ERC2: variants seen among roughly 807,000 people sequenced by gnomAD.
The protein encoded by ERC2 is ELKS/RAB6-interacting/CAST family member 2.
A neutral mutation model predicts 114.8 loss-of-function variants in ERC2; 42 were observed. The observed-to-expected ratio is 0.37, with a 90% CI of 0.29 to 0.47. The LOEUF (loss-of-function observed/expected upper bound fraction) is 0.47. Ranked by LOEUF, ERC2 falls within the 20% of genes least tolerant of loss-of-function variation. ERC2 has a pLI of 0.99. For synonymous variants in ERC2, 454 were observed against 425.5 expected (o/e 1.07, Z -0.82); for missense variants, 939 against 1,150.7 (o/e 0.82, Z 2.66).
intron 14 of ERC2, among the ~76,000 whole-genome samples, chr3:55,774,600 C>T (rs1334942343): frequency 6.6e-6 from 1 of 152,222 alleles, no homozygotes; most frequent in African/African-American, 2.4e-5. Flanking sequence ...CTTTGCAGAG[C>T]CAGGCCTTCA....
intron 14 of ERC2, among the ~76,000 whole-genome samples, chr3:55,799,957 G>A (rs2070905396): frequency 6.6e-6 from 1 of 152,076 alleles, no homozygotes; most frequent in Non-Finnish European, 1.5e-5. Context: ...TTAAACAAAA[G>A]TCCTGGTCAG....
At chr3:56,417,897 A>T (rs867626847) in intron 2 of ERC2, among the ~76,000 whole-genome samples, 2 of 152,346 alleles carry the variant, frequency 1.3e-5, no homozygotes, top group East Asian at 3.9e-4. Context: ...ATGTCCTACA[A>T]TGAGGGTAGG....
At chr3:55,898,435 A>C (rs552087679) in intron 13 of ERC2, among the ~76,000 whole-genome samples, 2 of 152,296 alleles carry the variant, frequency 1.3e-5, no homozygotes, top group South Asian at 2.1e-4. Context: ...TGAAGTCAGA[A>C]AGCCTAGGTC....
At chr3:55,822,864 C>T (rs377016247) in intron 14 of ERC2, among the ~76,000 whole-genome samples, 1 of 152,146 alleles carries the variant, frequency 6.6e-6, no homozygotes, top group Non-Finnish European at 1.5e-5. Context: ...CCACCCGCCT[C>T]GGCCTCCCAA....
At chr3:56,174,558 C>T (rs1575687576) in intron 3 of ERC2, among the ~76,000 whole-genome samples, 2 of 152,176 alleles carry the variant, frequency 1.3e-5, no homozygotes, top group East Asian at 3.8e-4. Flanking sequence ...GGATCACAAA[C>T]ATTTACTTTT....
At chr3:55,572,380 G>A (rs2056761347) in intron 17 of ERC2, among the ~76,000 whole-genome samples, 1 of 152,096 alleles carries the variant, frequency 6.6e-6, no homozygotes, top group Non-Finnish European at 1.5e-5. Context: ...CCTTCCTGGC[G>A]GTGTGCTTTC....
intron 13 of ERC2, among the ~76,000 whole-genome samples, chr3:55,947,040 G>A (rs1305890148): frequency 6.6e-6 from 1 of 152,232 alleles, no homozygotes; most frequent in Non-Finnish European, 1.5e-5. Context: ...GGCAACTCAT[G>A]TGCACATGTG....
At chr3:55,772,307 T>A (rs2068271545) in intron 14 of ERC2, among the ~76,000 whole-genome samples, 1 of 151,528 alleles carries the variant, frequency 6.6e-6, no homozygotes, top group Non-Finnish European at 1.5e-5. Flanking sequence ...CACGCCTGGC[T>A]ACTTTTTGTA....
At chr3:56,039,904 T>A (rs2075028096) in intron 7 of ERC2, among the ~76,000 whole-genome samples, 2 of 152,166 alleles carry the variant, frequency 1.3e-5, no homozygotes, top group South Asian at 4.1e-4. Flanking sequence ...AAAGAGAATA[T>A]CTTTAATAAA....
In ERC2 at chr3:55,509,906, A is replaced by G. The variant is rs1405964292; in HGVS notation, c.*1410T>C. ...TTAAAAATGCAGGTTTTCATCTCCC[A>G]CTTGCATACACGTGGAAGGGTTTCT... On this transcript the variant is annotated 3_prime_UTR_variant, in exon 18 of 18. Transcript: ENST00000288221. 1 of 152,608 alleles carries G rather than the reference A, an allele frequency of 6.6e-6. No individual in the cohort carries two copies. The highest frequency in any genetic ancestry group is 1.5e-5 in the Non-Finnish European group (1 of 68,022). The allele number at this position is 152,608 out of a possible 1,614,324, so 9.5% of individuals were successfully genotyped here.
At chr3:55,624,699 G>A (rs2148607421) in intron 17 of ERC2, among the ~76,000 whole-genome samples, 1 of 152,308 alleles carries the variant, frequency 6.6e-6, no homozygotes, top group African/African-American at 2.4e-5. Context: ...ATGGGAATAA[G>A]TGTGCTGACT....
intron 17 of ERC2, among the ~76,000 whole-genome samples, chr3:55,557,159 T>G (rs745671797): frequency 6.6e-6 from 1 of 152,210 alleles, no homozygotes. Context: ...GGAAAAGGAT[T>G]CATGGAGATG....
intron 11 of ERC2, among the ~76,000 whole-genome samples, chr3:55,991,820 A>G (rs961137078): frequency 1.3e-5 from 2 of 152,218 alleles, no homozygotes; most frequent in Non-Finnish European, 1.5e-5. Flanking sequence ...ATCACTCAAG[A>G]AAGTTGACCA....
At chr3:55,911,171 T>C (rs948875036) in intron 13 of ERC2, among the ~76,000 whole-genome samples, 1 of 152,034 alleles carries the variant, frequency 6.6e-6, no homozygotes, top group East Asian at 1.9e-4. Context: ...ACCTCAAATT[T>C]ACAAATTTAA....
intron 12 of ERC2, among the ~76,000 whole-genome samples, chr3:55,952,182 C>CTA (rs1559923074): frequency 1.4e-5 from 1 of 71,482 alleles, no homozygotes; most frequent in Non-Finnish European, 2.8e-5. Flanking sequence ...CACACACACT[C>CTA]TCTCTCTCTC....
chr3:56,333,604 C>T (rs750775026), intron 2 of ERC2, among the ~76,000 whole-genome samples: 2 of 152,104 alleles, frequency 1.3e-5, no homozygotes, highest in Admixed American at 1.3e-4. Flanking sequence ...AAAGACACTC[C>T]AAAATGCTAA....
At chr3:56,118,213 G>A (rs1490551428) in intron 6 of ERC2, among the ~76,000 whole-genome samples, 1 of 152,180 alleles carries the variant, frequency 6.6e-6, no homozygotes, top group Non-Finnish European at 1.5e-5. Context: ...CTGAGCACAT[G>A]CTAGACATAG....
intron 14 of ERC2, among the ~76,000 whole-genome samples, chr3:55,849,141 G>A (rs1050947590): frequency 6.6e-6 from 1 of 152,104 alleles, no homozygotes. Context: ...ACAAAACTGA[G>A]GCCAAGAGAT....
At chr3:55,959,008 C>T (rs934074504) in intron 12 of ERC2, among the ~76,000 whole-genome samples, 2 of 152,122 alleles carry the variant, frequency 1.3e-5, no homozygotes, top group African/African-American at 4.8e-5. Flanking sequence ...GCATGCAACC[C>T]CAGCTGTGCC....
Sources: gnomAD v4.1 joint callset for allele counts (sites outside exome capture counted in the v4.1 genomes callset) on GRCh38, gnomAD v4.1.1 for gene constraint, MANE v1.5 for transcripts, NCBI Gene and HGNC (gene_info 2026-07-23, HGNC 2026-07-21) for gene names.